Variants in ACTR3C observed in about 807,000 individuals in gnomAD.
ACTR3C encodes actin-related protein 3C.
In ACTR3C, 18 loss-of-function variants were observed where a neutral mutation model predicts 26.3. The observed-to-expected ratio is 0.68, with a 90% confidence interval of 0.47 to 1.01. ACTR3C has a LOEUF of 1.01. Among genes scored for constraint, ACTR3C ranks in the 50% least tolerant of loss-of-function variants. ACTR3C has a pLI of 0.00. For synonymous variants in ACTR3C, 55 were observed against 94.5 expected, an observed-to-expected ratio of 0.58 and a Z score of 2.42; for missense variants, 184 against 250.7, an observed-to-expected ratio of 0.73 and a Z score of 1.80.
In ACTR3C at chr7:150,309,824, T is replaced by C. The variant is rs571537724; in HGVS notation, c.-52+13645A>G. Among the ~76,000 whole-genome samples, 6 of 152,328 alleles carry C rather than the reference T, an allele frequency of 3.9e-5. No individual in the cohort carries two copies. The East Asian group carries it at 1.2e-3, about 29-fold the overall frequency. On this transcript the variant is annotated intron_variant, in intron 1 of 7. Coordinates refer to ENST00000683684, the MANE Select transcript of ACTR3C (RefSeq NM_001164458.2). Reference sequence around the variant, plus strand: ...AGATCTCGGCTTTGCGGCTGAAGACTGATGCTGCCCGATCACCTGGGAAAG... The same window carrying C: ...AGATCTCGGCTTTGCGGCTGAAGACCGATGCTGCCCGATCACCTGGGAAAG...
the ACTR3C span, among the ~76,000 whole-genome samples, chr7:150,133,918 G>C: frequency 8.4e-4 from 127 of 152,086 alleles, no homozygotes; most frequent in Admixed American, 4.1e-3. Context: ...TTCTATTTTT[G>C]GTAGAGATGG....
At chr7:150,252,886 A>G (rs1247647570) in intron 6 of ACTR3C, among the ~76,000 whole-genome samples, 3 of 152,000 alleles carry the variant, frequency 2.0e-5, no homozygotes, top group Admixed American at 2.0e-4. Flanking sequence ...ATATTGTGTG[A>G]TATCTGGGCC....
chr7:150,232,746 C>T, the ACTR3C span, among the ~76,000 whole-genome samples: 2 of 149,112 alleles, frequency 1.3e-5, no homozygotes, highest in South Asian at 4.2e-4. Context: ...TCACTTGAAC[C>T]CAGGAGGAGG....
chr7:150,278,366 A>G (rs1355458601), intron 6 of ACTR3C, among the ~76,000 whole-genome samples: 4 of 152,240 alleles, frequency 2.6e-5, no homozygotes, highest in Non-Finnish European at 5.9e-5. Context: ...GTCACATTTC[A>G]GGGGCTCAGT....
intron 3 of ACTR3C, among the ~76,000 whole-genome samples, chr7:150,292,366 A>T (rs1395496465): frequency 6.6e-6 from 1 of 152,238 alleles, no homozygotes; most frequent in Non-Finnish European, 1.5e-5. Flanking sequence ...TCCTTTAAAT[A>T]GTCCATTGGA....
the ACTR3C span, among the ~76,000 whole-genome samples, chr7:150,199,725 CAAAAAAAA>C: frequency 1.4e-4 from 12 of 86,074 alleles, no homozygotes; most frequent in African/African-American, 4.9e-4. Flanking sequence ...ATATTTTTAT[CAAAAAAAA>C]AAAAAAAAAA....
the ACTR3C span, among the ~76,000 whole-genome samples, chr7:149,887,236 A>G: frequency 1.3e-5 from 2 of 152,276 alleles, no homozygotes; most frequent in African/African-American, 2.4e-5. Context: ...CTTCAAGGCA[A>G]AAACCATACA....
chr7:150,003,151 T>A, the ACTR3C span: 1 of 147,208 alleles, frequency 6.8e-6, no homozygotes, highest in East Asian at 2.0e-4. Flanking sequence ...TGTGTTTGTG[T>A]GTGTATGGTG....
At chr7:150,005,611 G>C in the ACTR3C span, among the ~76,000 whole-genome samples, 3 of 151,936 alleles carry the variant, frequency 2.0e-5, no homozygotes, top group Non-Finnish European at 4.4e-5. Flanking sequence ...CATGTGGTGA[G>C]GGGGGGAAGA....
the ACTR3C span, among the ~76,000 whole-genome samples, chr7:150,096,559 C>T: frequency 6.6e-6 from 1 of 151,758 alleles, no homozygotes; most frequent in South Asian, 2.1e-4. Context: ...TGACAATCCA[C>T]TCATGCTTCT....
At chr7:150,089,002 A>C in the ACTR3C span, among the ~76,000 whole-genome samples, 4 of 152,218 alleles carry the variant, frequency 2.6e-5, no homozygotes, top group African/African-American at 9.6e-5. Context: ...CACTGCTTCC[A>C]AACAAATATT....
At chr7:149,936,440 C>T in the ACTR3C span, among the ~76,000 whole-genome samples, 1 of 152,146 alleles carries the variant, frequency 6.6e-6, no homozygotes, top group Non-Finnish European at 1.5e-5. Context: ...CACACAAGCA[C>T]TTCCTGCCCA....
chr7:150,219,482 C>G, the ACTR3C span, among the ~76,000 whole-genome samples: 2 of 144,534 alleles, frequency 1.4e-5, no homozygotes, highest in African/African-American at 5.8e-5. Flanking sequence ...AAGGAATTTC[C>G]TCGCTAATTC....
the ACTR3C span, among the ~76,000 whole-genome samples, chr7:150,235,650 C>T: frequency 2.0e-5 from 3 of 152,172 alleles, no homozygotes; most frequent in African/African-American, 4.8e-5. Flanking sequence ...TGCAGCCTCA[C>T]GTCGTTGGGT....
At chr7:150,230,807 A>C in the ACTR3C span, among the ~76,000 whole-genome samples, 1 of 151,988 alleles carries the variant, frequency 6.6e-6, no homozygotes, top group South Asian at 2.1e-4. Flanking sequence ...ATTTCTTTTT[A>C]TGTCCATAGC....
At chr7:149,934,741 T>C in the ACTR3C span, among the ~76,000 whole-genome samples, 6 of 148,424 alleles carry the variant, frequency 4.0e-5, no homozygotes, top group East Asian at 1.0e-3. Context: ...ACACCAGGCC[T>C]CCCACCTCCC....
the ACTR3C span, among the ~76,000 whole-genome samples, chr7:150,122,373 A>T: frequency 6.6e-6 from 1 of 152,240 alleles, no homozygotes; most frequent in Non-Finnish European, 1.5e-5. Flanking sequence ...AGAATCTACA[A>T]GGAACCTAAA....
At chr7:150,221,620 A>G in the ACTR3C span, among the ~76,000 whole-genome samples, 1 of 152,238 alleles carries the variant, frequency 6.6e-6, no homozygotes, top group Non-Finnish European at 1.5e-5. Flanking sequence ...TAGCTTGTAT[A>G]AATTGAAGGA....
At chr7:150,273,705 A>C (rs1230599163) in intron 6 of ACTR3C, among the ~76,000 whole-genome samples, 1 of 151,326 alleles carries the variant, frequency 6.6e-6, no homozygotes, top group Non-Finnish European at 1.5e-5. Context: ...CTAAAGTCAA[A>C]CCCCCCAGAC....
Sources: allele counts gnomAD v4.1 joint callset (sites outside exome capture counted in the v4.1 genomes callset), GRCh38; gene constraint gnomAD v4.1.1; transcripts MANE v1.5; gene names NCBI Gene and HGNC (gene_info 2026-07-23, HGNC 2026-07-21).